Variants in TIAM1 observed in about 807,000 individuals in gnomAD.
The protein encoded by TIAM1 is TIAM Rac1 associated GEF 1.
A neutral mutation model predicts 163.5 loss-of-function variants in TIAM1; 65 were observed. The observed-to-expected ratio is 0.40, with a 90% CI of 0.33 to 0.49. The LOEUF is 0.49. Among genes scored for constraint, TIAM1 ranks in the 20% least tolerant of loss-of-function variants. The pLI is 0.77. For synonymous variants in TIAM1, 833 were observed against 810.1 expected (o/e 1.03, Z -0.48); for missense variants, 1,789 against 2,044.7 (o/e 0.87, Z 2.41).
At chr21:31,305,375 C>A (rs558683377) in intron 2 of TIAM1, among the ~76,000 whole-genome samples, 7 of 143,426 alleles carry the variant, frequency 4.9e-5, no homozygotes, top group Admixed American at 2.1e-4. Context: ...AAGGGGGTAG[C>A]AAATAGATTA....
intron 1 of TIAM1, among the ~76,000 whole-genome samples, chr21:31,535,500 T>A (rs973751378): frequency 2.0e-5 from 3 of 151,556 alleles, no homozygotes; most frequent in Non-Finnish European, 4.4e-5. Flanking sequence ...TTAAATTAAT[T>A]GAAAAACATG....
intron 1 of TIAM1, among the ~76,000 whole-genome samples, chr21:31,529,671 C>T (rs1485542235): frequency 6.6e-6 from 1 of 152,202 alleles, no homozygotes; most frequent in African/African-American, 2.4e-5. Flanking sequence ...TGCTCCTTCC[C>T]AAATACCTGC....
chr21:31,492,087 T>C (rs2046487766), intron 1 of TIAM1, among the ~76,000 whole-genome samples: 1 of 152,196 alleles, frequency 6.6e-6, no homozygotes, highest in African/African-American at 2.4e-5. Context: ...TGTATGTATA[T>C]GTATATGCAT....
intron 1 of TIAM1, among the ~76,000 whole-genome samples, chr21:31,520,472 A>C (rs1408032710): frequency 6.6e-6 from 1 of 152,190 alleles, no homozygotes; most frequent in Non-Finnish European, 1.5e-5. Context: ...TTGAGTCCTA[A>C]ATTTTCATTC....
rs552400824 is a variant in TIAM1, at chr21:31,291,519, ATTTG to A, written c.-188-14615_-188-14612del. Among the ~76,000 whole-genome samples, 196 of 151,996 alleles carry A rather than the reference ATTTG, an allele frequency of 1.3e-3. 2 individuals carry two copies. The highest frequency in any genetic ancestry group is 4.7e-3 in the African/African-American group (193 of 41,468). ...TCAAATTCCATGCCTTTATTTATTT[ATTTG>A]TTTATTTATTTATTTATTGAGATGG... On this transcript the variant is annotated intron_variant, in intron 2 of 27. Transcript: ENST00000541036.
chr21:31,247,140 C>T (rs1017992896), intron 5 of TIAM1, among the ~76,000 whole-genome samples: 4 of 151,622 alleles, frequency 2.6e-5, no homozygotes, highest in African/African-American at 7.3e-5. Context: ...GGCAATATAG[C>T]GAGGCCTCGT....
chr21:31,516,025 T>C (rs1171914261), intron 1 of TIAM1, among the ~76,000 whole-genome samples: 1 of 150,942 alleles, frequency 6.6e-6, no homozygotes, highest in African/African-American at 2.4e-5. Context: ...GGAGAATCAC[T>C]TGAACCCAGG....
intron 2 of TIAM1, among the ~76,000 whole-genome samples, chr21:31,403,021 C>T (rs544884151): frequency 5.3e-5 from 8 of 151,230 alleles, no homozygotes; most frequent in African/African-American, 2.0e-4. Context: ...CACAGCACCA[C>T]GGCTAATGTG....
intron 1 of TIAM1, among the ~76,000 whole-genome samples, chr21:31,515,330 G>A (rs2047347023): frequency 6.6e-6 from 1 of 152,114 alleles, no homozygotes; most frequent in South Asian, 2.1e-4. Flanking sequence ...TGTGGTCCCT[G>A]GACCAGTGGC....
intron 19 of TIAM1, among the ~76,000 whole-genome samples, chr21:31,147,296 T>C (rs190371005): frequency 2.0e-5 from 3 of 152,276 alleles, no homozygotes; most frequent in East Asian, 3.9e-4. Flanking sequence ...GCTGTTTGAA[T>C]GTTGATGAGA....
At chr21:31,558,520 TC>T in intron 1 of TIAM1, among the ~76,000 whole-genome samples, 1 of 151,876 alleles carries the variant, frequency 6.6e-6, no homozygotes, top group Non-Finnish European at 1.5e-5. Context: ...AAGCACGCCC[TC>T]CCCGAAGTTG....
chr21:31,403,571 C>T (rs2034282817), intron 2 of TIAM1, among the ~76,000 whole-genome samples: 1 of 152,184 alleles, frequency 6.6e-6, no homozygotes. Flanking sequence ...GGTAGCGCTA[C>T]AGAACAAGGC....
Position 31,441,995 on chromosome 21 carries a change from A to G in TIAM1, c.-369+21988T>C, listed in dbSNP as rs1463877108. On this transcript the variant is annotated intron_variant, in intron 2 of 28. Transcript: ENST00000286827. ...CATTTGAGCTCAAGAGGTGGGAATT[A>G]TAGTGAGCTGAGACAGTGCCATTGC... is the stretch of plus-strand genomic sequence containing the variant. Among the ~76,000 whole-genome samples, 8 of 144,434 alleles carry G rather than the reference A, an allele frequency of 5.5e-5. No homozygotes were observed. In the Admixed American group the frequency reaches 5.7e-4, roughly 10 times the overall value. 94.8% of individuals were successfully genotyped at this position (144,434 alleles called of 152,430 possible). A position where few individuals can be genotyped will look rare whatever the true frequency, so the allele number is the denominator to read the frequency against.
chr21:31,551,657 C>T (rs1438511410), intron 1 of TIAM1, among the ~76,000 whole-genome samples: 1 of 152,078 alleles, frequency 6.6e-6, no homozygotes, highest in Non-Finnish European at 1.5e-5. Flanking sequence ...GCAGGAGGAT[C>T]GCTTGAGCCT....
intron 1 of TIAM1, among the ~76,000 whole-genome samples, chr21:31,538,886 G>A (rs1010652094): frequency 9.9e-5 from 15 of 152,092 alleles, no homozygotes; most frequent in Admixed American, 3.3e-4. Context: ...CAGCCTGCAC[G>A]CATCGTCCCT....
chr21:31,246,347 A>T (rs2071501806), intron 5 of TIAM1, among the ~76,000 whole-genome samples: 1 of 152,208 alleles, frequency 6.6e-6, no homozygotes, highest in South Asian at 2.1e-4. Context: ...TGAAACTAAC[A>T]AGATAGTAGC....
intron 2 of TIAM1, among the ~76,000 whole-genome samples, chr21:31,418,321 G>A (rs1429194707): frequency 4.9e-5 from 6 of 123,026 alleles, no homozygotes; most frequent in Non-Finnish European, 6.3e-5. Context: ...CAGCCTGGGC[G>A]ACAGAGCGAG....
chr21:31,494,736 A>C (rs2046583290), intron 1 of TIAM1, among the ~76,000 whole-genome samples: 1 of 152,120 alleles, frequency 6.6e-6, no homozygotes, highest in African/African-American at 2.4e-5. Context: ...CCAGCTACTC[A>C]GGAGGCTGAG....
In TIAM1 at chr21:31,325,267, A is replaced by G. The variant is rs530492666; in HGVS notation, c.-189+13976T>C. Among the ~76,000 whole-genome samples, 31 of 150,396 alleles carry G rather than the reference A, an allele frequency of 2.1e-4. 1 individual carries two copies. Among genetic ancestry groups the G allele is most frequent in the Admixed American group, 1.8e-3 (27 of 15,036 alleles). ...ATGCCACTGCACTCTAGCCTGGGTG[A>G]CAGAGGGAGGCCCTGTCTCAAAAAA... On this transcript the variant is annotated intron_variant, in intron 2 of 27. Transcript: ENST00000541036.
Sources: gnomAD v4.1 joint callset for allele counts (sites outside exome capture counted in the v4.1 genomes callset) on GRCh38, gnomAD v4.1.1 for gene constraint, MANE v1.5 for transcripts, NCBI Gene and HGNC (gene_info 2026-07-23, HGNC 2026-07-21) for gene names.